SYT16: variants seen among roughly 807,000 people sequenced by gnomAD.
The protein encoded by SYT16 is synaptotagmin 16.
In SYT16, 42 loss-of-function variants were observed where a neutral mutation model predicts 61.4. The observed-to-expected ratio is 0.68, with a 90% CI of 0.53 to 0.89. The LOEUF is 0.89. SYT16 is among the 40% of genes least tolerant of loss of function. The probability of loss-of-function intolerance (pLI) is 0.00; values close to 1 mark genes in which losing one functional copy is unlikely to be tolerated. For synonymous variants in SYT16, 314 were observed against 302.3 expected (o/e 1.04, Z -0.40); for missense variants, 804 against 807.3 (o/e 1.00, Z 0.05).
At chr14:62,027,657 T>C (rs2054153145) in intron 3 of SYT16, among the ~76,000 whole-genome samples, 2 of 152,186 alleles carry the variant, frequency 1.3e-5, no homozygotes, top group African/African-American at 2.4e-5. Flanking sequence ...CTGATCACTA[T>C]CCTTTGGTTC....
At position 61,996,237 on chromosome 14, in the gene SYT16, A is replaced by T; in HGVS notation, c.218A>T (p.Asp73Val). 1 of 1,613,646 alleles carries T rather than the reference A, an allele frequency of 6.2e-7. No individual in the cohort carries two copies. Among genetic ancestry groups the T allele is most frequent in the Non-Finnish European group, 8.5e-7 (1 of 1,179,650 alleles). The part of the protein sequence containing the change: ...QETYFEDEEQ[D>V]NDWSQEDANS... Reference sequence around the variant, plus strand: ...ACGTACTTTGAAGATGAAGAACAAGACAATGATTGGAGTCAAGAGGATGCA... The same window carrying T: ...ACGTACTTTGAAGATGAAGAACAAGTCAATGATTGGAGTCAAGAGGATGCA... The change falls in exon 3 of 8, where the codon GAC (aspartate) becomes GTC (valine). Residue 73 changes from aspartate to valine, a missense_variant. Asp to Val is a radical substitution (Grantham distance 152). Coordinates refer to ENST00000683842, the MANE Select transcript of SYT16 (RefSeq NM_001367656.1).
chr14:62,100,268 A>C, intron 7 of SYT16, 126 bp from the exon 8 acceptor site: 3 of 786,960 alleles, frequency 3.8e-6, no homozygotes, highest in Non-Finnish European at 5.9e-6. Context: ...ACCAGGCTTA[A>C]GGATACTGAT....
chr14:61,936,466 C>A (rs1221395340), intron 1 of SYT16, among the ~76,000 whole-genome samples: 5 of 152,062 alleles, frequency 3.3e-5, no homozygotes, highest in Admixed American at 2.6e-4. Flanking sequence ...TGCCACAAGG[C>A]GGCTAATGAG....
intron 3 of SYT16, among the ~76,000 whole-genome samples, chr14:62,026,312 CT>C (rs2054101073): frequency 6.6e-6 from 1 of 152,158 alleles, no homozygotes; most frequent in African/African-American, 2.4e-5. Flanking sequence ...ATACTTGAGA[CT>C]GAGTAATTTA....
chr14:61,926,769 G>C (rs1038306889), intron 1 of SYT16, among the ~76,000 whole-genome samples: 1 of 152,052 alleles, frequency 6.6e-6, no homozygotes, highest in Non-Finnish European at 1.5e-5. Context: ...ACACAATTTC[G>C]TTTGTGTGGC....
chr14:61,857,698 G>A (rs2046819960), intron 1 of SYT16, among the ~76,000 whole-genome samples: 1 of 152,192 alleles, frequency 6.6e-6, no homozygotes, highest in Non-Finnish European at 1.5e-5. Context: ...GAATAACTCA[G>A]TAGAAAGGGA....
intron 1 of SYT16, among the ~76,000 whole-genome samples, chr14:61,818,331 T>C (rs1231495179): frequency 1.3e-5 from 2 of 152,152 alleles, no homozygotes; most frequent in Admixed American, 1.3e-4. Flanking sequence ...CTGTGCATAC[T>C]TCCCTCCTCA....
Position 62,110,309 on chromosome 14 carries a change from A to G in SYT16, c.*9602A>G, listed in dbSNP as rs2057585375. On this transcript the variant is annotated 3_prime_UTR_variant, in exon 8 of 8. Transcript: ENST00000683842. ...GGGAATAGTAATACTCATTTTACCT[A>G]TTTTTACCAGGTGGTTGTAGGAACA... The G allele has an allele frequency of 6.6e-6, 1 of 152,006 alleles. No individual in the cohort carries two copies. The highest frequency in any genetic ancestry group is 2.4e-5 in the African/African-American group (1 of 41,400). The allele number at this position is 152,006 out of a possible 1,614,324, so 9.4% of individuals were successfully genotyped here. A position where few individuals can be genotyped will look rare whatever the true frequency, so the allele number is the denominator to read the frequency against.
intron 1 of SYT16, among the ~76,000 whole-genome samples, chr14:61,860,722 C>T (rs543507294): frequency 6.6e-6 from 1 of 152,266 alleles, no homozygotes; most frequent in African/African-American, 2.4e-5. Flanking sequence ...AGAAAGATTG[C>T]TGCACTACAT....
At position 61,996,515 on chromosome 14, in the gene SYT16, T is replaced by G. The variant is rs1299416149; in HGVS notation, c.496T>G (p.Leu166Val). The stretch of plus-strand genomic sequence containing the variant: ...CTTTGACAGCCAGCTCCCTGGTACT[T>G]TAGAAACTGTTAATGGAAAAAAGCA... ...HGFDSQLPGTLETVNGKKQVN... is the reference protein window; with the variant it reads ...HGFDSQLPGTVETVNGKKQVN... Residue 166 changes from leucine to valine, a missense_variant, in exon 3 of 8, where the codon TTA becomes GTA. Leu to Val is a conservative substitution (Grantham distance 32, BLOSUM62 1). Transcript: ENST00000683842. 2 of 1,607,330 alleles carry G rather than the reference T, an allele frequency of 1.2e-6. No homozygotes were observed. The highest frequency in any genetic ancestry group is 1.1e-5 in the South Asian group (1 of 90,002).
At chr14:62,040,963 G>A (rs1056920840) in intron 3 of SYT16, among the ~76,000 whole-genome samples, 7 of 152,026 alleles carry the variant, frequency 4.6e-5, no homozygotes, top group African/African-American at 1.7e-4. Flanking sequence ...TTTATTAAGG[G>A]GTATCAACTC....
At position 61,916,905 on chromosome 14, in the gene SYT16, T is replaced by A. The variant is rs1450186363; in HGVS notation, c.-324-53227T>A. Among the ~76,000 whole-genome samples the A allele has an allele frequency of 2.0e-5, 3 of 152,318 alleles. No homozygotes were observed. The South Asian group carries it at 6.2e-4, about 32-fold the overall frequency. ...GTGACCTCCAGTTCCATCTAGTTGT[T>A]GACAATGACAGGATTTCATTCTTTT... On this transcript the variant is annotated intron_variant, in intron 1 of 7. Coordinates refer to ENST00000683842, the MANE Select transcript of SYT16 (RefSeq NM_001367656.1).
intron 7 of SYT16, among the ~76,000 whole-genome samples, chr14:62,097,170 T>G (rs947382957): frequency 1.4e-4 from 21 of 152,192 alleles, no homozygotes; most frequent in African/African-American, 4.3e-4. Flanking sequence ...TTGGAGATTA[T>G]GTACTATTAT....
At chr14:61,975,077 A>G (rs1178378398) in intron 2 of SYT16, among the ~76,000 whole-genome samples, 1 of 152,242 alleles carries the variant, frequency 6.6e-6, no homozygotes, top group Admixed American at 6.5e-5. Context: ...AGGTGAGAGT[A>G]TGTTCAAGTA....
At chr14:61,928,025 G>T (rs1424448416) in intron 1 of SYT16, among the ~76,000 whole-genome samples, 1 of 152,186 alleles carries the variant, frequency 6.6e-6, no homozygotes, top group Non-Finnish European at 1.5e-5. Flanking sequence ...TCTGAGGGAA[G>T]GGGCTAGTTT....
intron 3 of SYT16, among the ~76,000 whole-genome samples, chr14:61,998,643 A>G (rs2052867479): frequency 6.6e-6 from 1 of 151,914 alleles, no homozygotes; most frequent in South Asian, 2.1e-4. Flanking sequence ...TCCAATATCA[A>G]TGTCTATTAT....
intron 2 of SYT16, among the ~76,000 whole-genome samples, chr14:61,978,025 C>T (rs2051892855): frequency 6.6e-6 from 1 of 152,150 alleles, no homozygotes. Context: ...CTGTATCATT[C>T]CAATCTCTGC....
intron 3 of SYT16, among the ~76,000 whole-genome samples, chr14:62,052,443 G>A (rs745410608): frequency 6.6e-6 from 1 of 152,184 alleles, no homozygotes; most frequent in Non-Finnish European, 1.5e-5. Context: ...TAGCTCTGAA[G>A]CTTCTGTTCT....
At chr14:62,039,501 C>T (rs866774199) in intron 3 of SYT16, among the ~76,000 whole-genome samples, 54 of 151,874 alleles carry the variant, frequency 3.6e-4, no homozygotes, top group African/African-American at 1.1e-3. Flanking sequence ...GACATGCAAC[C>T]TGAAGAAATA....
Sources: allele counts gnomAD v4.1 joint callset (sites outside exome capture counted in the v4.1 genomes callset), GRCh38; gene constraint gnomAD v4.1.1; transcripts MANE v1.5; gene names NCBI Gene and HGNC (gene_info 2026-07-23, HGNC 2026-07-21).